The following GALNT13 variants were observed in gnomAD, a reference collection of about 807,000 sequenced individuals.
The protein encoded by GALNT13 is polypeptide N-acetylgalactosaminyltransferase 13, also known as UDP-GalNAc:polypeptide N-acetylgalactosaminyltransferase 13.
In GALNT13, 28 loss-of-function variants were observed where a neutral mutation model predicts 64.2. The ratio of observed to expected loss-of-function variants is 0.44; its 90% CI spans 0.32 to 0.60. GALNT13 has a LOEUF of 0.60. GALNT13 is among the 20% of genes least tolerant of loss of function. The pLI is 0.05. For synonymous variants in GALNT13, 214 were observed against 224.6 expected (o/e 0.95, Z 0.42); for missense variants, 577 against 669.8 (o/e 0.86, Z 1.53).
the GALNT13 span, among the ~76,000 whole-genome samples, chr2:153,632,954 T>G: frequency 6.6e-6 from 1 of 152,058 alleles, no homozygotes; most frequent in Non-Finnish European, 1.5e-5. Flanking sequence ...AGAGATGTGG[T>G]TTCACTATGT....
intron 4 of GALNT13, among the ~76,000 whole-genome samples, chr2:154,150,540 C>T (rs959099844): frequency 7.9e-5 from 12 of 152,126 alleles, no homozygotes; most frequent in African/African-American, 2.9e-4. Flanking sequence ...TAGAATTCGG[C>T]TGTGAATCCA....
chr2:153,955,510 A>C (rs548391406), intron 3 of GALNT13, among the ~76,000 whole-genome samples: 1 of 152,270 alleles, frequency 6.6e-6, no homozygotes, highest in Non-Finnish European at 1.5e-5. Context: ...ATCAGTCATA[A>C]AAGGGTTTCT....
chr2:153,867,770 G>A (rs1490334935), upstream of GALNT13, among the ~76,000 whole-genome samples: 1 of 151,814 alleles, frequency 6.6e-6, no homozygotes, highest in East Asian at 1.9e-4. Flanking sequence ...ATTCTCATAA[G>A]GAGCACAACC....
At chr2:153,807,742 T>C in the GALNT13 span, among the ~76,000 whole-genome samples, 2 of 152,152 alleles carry the variant, frequency 1.3e-5, no homozygotes, top group African/African-American at 4.8e-5. Context: ...CTGTGTTTGA[T>C]AATTTCATTA....
chr2:154,021,099 T>A (rs1190706198), intron 3 of GALNT13, among the ~76,000 whole-genome samples: 7 of 152,202 alleles, frequency 4.6e-5, no homozygotes, highest in Admixed American at 3.9e-4. Flanking sequence ...TTTTGGTTAC[T>A]GTAGCCTTGT....
intron 10 of GALNT13, among the ~76,000 whole-genome samples, chr2:154,405,632 T>C (rs799758): frequency 0.18 from 27,066 of 150,528 alleles, 2,584 homozygotes; most frequent in South Asian, 0.3. Context: ...TGGGCACCTG[T>C]AATCCCAGCT....
At chr2:154,171,582 G>T (rs1385343008) in intron 4 of GALNT13, among the ~76,000 whole-genome samples, 1 of 152,068 alleles carries the variant, frequency 6.6e-6, no homozygotes, top group African/African-American at 2.4e-5. Flanking sequence ...GGCAGGATAT[G>T]AACATACTTT....
At chr2:153,433,579 T>C in the GALNT13 span, among the ~76,000 whole-genome samples, 25 of 152,286 alleles carry the variant, frequency 1.6e-4, no homozygotes, top group Admixed American at 2.0e-4. Context: ...ACTTTAATAA[T>C]ACATTTTTTT....
chr2:154,237,636 T>A (rs1056937883), intron 4 of GALNT13, among the ~76,000 whole-genome samples: 1 of 150,556 alleles, frequency 6.6e-6, no homozygotes, highest in Non-Finnish European at 1.5e-5. Flanking sequence ...CATTTTGTTG[T>A]CTAAACAAAA....
intron 4 of GALNT13, among the ~76,000 whole-genome samples, chr2:154,179,594 G>A (rs949502018): frequency 6.6e-6 from 1 of 152,086 alleles, no homozygotes; most frequent in East Asian, 1.9e-4. Context: ...GTATCTTTGA[G>A]TATTAAAGAA....
chr2:153,754,513 C>T, the GALNT13 span, among the ~76,000 whole-genome samples: 1 of 152,108 alleles, frequency 6.6e-6, no homozygotes, highest in East Asian at 1.9e-4. Flanking sequence ...AGCCTCACAA[C>T]TCTTGACCAG....
the GALNT13 span, chr2:153,478,517 C>T: frequency 1.2e-6 from 2 of 1,607,482 alleles, no homozygotes; most frequent in Non-Finnish European, 1.7e-6. Context: ...CTGCTGTTGG[C>T]CAGGAACAGG....
At chr2:154,404,711 C>A (rs1027501080) in intron 10 of GALNT13, among the ~76,000 whole-genome samples, 4 of 152,090 alleles carry the variant, frequency 2.6e-5, no homozygotes, top group Admixed American at 2.0e-4. Flanking sequence ...AGCTGAAGCT[C>A]CTTCTCAGAA....
At chr2:153,513,614 A>G in the GALNT13 span, among the ~76,000 whole-genome samples, 4 of 152,310 alleles carry the variant, frequency 2.6e-5, no homozygotes, top group Non-Finnish European at 4.4e-5. Context: ...AAAACACTTC[A>G]GTAATTCCAT....
chr2:153,888,052 T>C (rs1687306722), intron 1 of GALNT13, among the ~76,000 whole-genome samples: 1 of 152,050 alleles, frequency 6.6e-6, no homozygotes, highest in South Asian at 2.1e-4. Context: ...TTGTAATTGA[T>C]TTCCCATTTA....
At chr2:153,992,627 T>C (rs1695236476) in intron 3 of GALNT13, among the ~76,000 whole-genome samples, 1 of 152,168 alleles carries the variant, frequency 6.6e-6, no homozygotes. Flanking sequence ...CTAATAAAGG[T>C]AAGTCATTCT....
the GALNT13 span, among the ~76,000 whole-genome samples, chr2:153,364,547 C>CA: frequency 4.6e-5 from 7 of 152,254 alleles, 1 homozygote; most frequent in Middle Eastern, 6.8e-3. Flanking sequence ...TCTCAGGATA[C>CA]AAAATCAATG....
At chr2:153,299,615 C>T in the GALNT13 span, among the ~76,000 whole-genome samples, 1 of 152,152 alleles carries the variant, frequency 6.6e-6, no homozygotes, top group Non-Finnish European at 1.5e-5. Flanking sequence ...CAGTGATTTC[C>T]TTTTCCTCTT....
At chr2:153,996,761 GT>G (rs1695550774) in intron 3 of GALNT13, among the ~76,000 whole-genome samples, 1 of 152,016 alleles carries the variant, frequency 6.6e-6, no homozygotes, top group Non-Finnish European at 1.5e-5. Context: ...ATTTTGTGAA[GT>G]GTTTCCCCTA....
Sources: allele counts gnomAD v4.1 joint callset (sites outside exome capture counted in the v4.1 genomes callset), GRCh38; gene constraint gnomAD v4.1.1; transcripts MANE v1.5; gene names NCBI Gene and HGNC (gene_info 2026-07-23, HGNC 2026-07-21).